The following CCSER1 variants were observed in gnomAD, a reference collection of about 807,000 sequenced individuals.
CCSER1 encodes serine-rich coiled-coil domain-containing protein 1.
In CCSER1, 41 loss-of-function variants were observed where a neutral mutation model predicts 82.0. The observed-to-expected ratio is 0.50, with a 90% CI of 0.39 to 0.65. CCSER1 has a LOEUF of 0.65. Among genes scored for constraint, CCSER1 ranks in the 30% least tolerant of loss-of-function variants. The pLI is 0.00. For missense variants in CCSER1, 1,119 were observed against 1,064.2 expected (o/e 1.05, Z -0.72); for synonymous variants, 414 against 383.9 (o/e 1.08, Z -0.92).
At chr4:90,616,703 ACACAC>A (rs1454772366) in intron 5 of CCSER1, among the ~76,000 whole-genome samples, 10 of 118,480 alleles carry the variant, frequency 8.4e-5, no homozygotes, top group African/African-American at 4.3e-4. Flanking sequence ...ACACACACAC[ACACAC>A]ACACACACAC....
chr4:90,305,200 G>A (rs921016948), intron 1 of CCSER1, among the ~76,000 whole-genome samples: 2 of 152,182 alleles, frequency 1.3e-5, no homozygotes, highest in Non-Finnish European at 2.9e-5. Flanking sequence ...ACAGGCGTGA[G>A]CCACCGCGCC....
At chr4:90,408,269 A>G (rs1418825828) in intron 4 of CCSER1, among the ~76,000 whole-genome samples, 2 of 152,246 alleles carry the variant, frequency 1.3e-5, no homozygotes, top group African/African-American at 2.4e-5. Context: ...CTTGTCTGAC[A>G]GCTTTGAAGA....
At chr4:91,110,900 T>G (rs775275900) in intron 10 of CCSER1, among the ~76,000 whole-genome samples, 24 of 151,962 alleles carry the variant, frequency 1.6e-4, no homozygotes, top group Admixed American at 2.0e-4. Flanking sequence ...TAGAAATAAA[T>G]AGAGCAGTAA....
intron 8 of CCSER1, among the ~76,000 whole-genome samples, chr4:90,902,702 A>T (rs187263968): frequency 6.6e-6 from 1 of 152,204 alleles, no homozygotes; most frequent in Admixed American, 6.6e-5. Context: ...ATGGACTAGC[A>T]GTGAGCCCTT....
chr4:90,688,728 A>G (rs1266438098), intron 6 of CCSER1, among the ~76,000 whole-genome samples: 1 of 152,174 alleles, frequency 6.6e-6, no homozygotes, highest in Non-Finnish European at 1.5e-5. Flanking sequence ...AATATAATAA[A>G]CACACTTAAC....
intron 1 of CCSER1, among the ~76,000 whole-genome samples, chr4:90,304,645 T>C (rs1733875176): frequency 6.6e-6 from 1 of 151,852 alleles, no homozygotes; most frequent in South Asian, 2.1e-4. Context: ...CTGGGGACTG[T>C]TGTGGGGTGG....
At chr4:90,206,539 T>A (rs1738868561) in intron 1 of CCSER1, among the ~76,000 whole-genome samples, 1 of 152,170 alleles carries the variant, frequency 6.6e-6, no homozygotes, top group South Asian at 2.1e-4. Context: ...GAGTTCTAAT[T>A]TGATTGCACT....
chr4:90,668,071 T>C (rs1319262337), intron 6 of CCSER1, among the ~76,000 whole-genome samples: 2 of 152,150 alleles, frequency 1.3e-5, no homozygotes, highest in Non-Finnish European at 2.9e-5. Flanking sequence ...GTGATTTTGG[T>C]AGATCTAAAG....
At chr4:90,540,068 T>G (rs78257031) in intron 5 of CCSER1, among the ~76,000 whole-genome samples, 2 of 152,146 alleles carry the variant, frequency 1.3e-5, no homozygotes, top group East Asian at 3.9e-4. Flanking sequence ...GTTTGTGCAG[T>G]TAGATTTTGA....
intron 9 of CCSER1, among the ~76,000 whole-genome samples, chr4:91,028,677 CTTG>C (rs1319409629): frequency 6.6e-6 from 1 of 151,142 alleles, no homozygotes; most frequent in South Asian, 2.1e-4. Flanking sequence ...TTCTTTAGAG[CTTG>C]TTAACAGTTC....
At chr4:90,908,529 A>G (rs1305180740) in intron 8 of CCSER1, among the ~76,000 whole-genome samples, 1 of 152,290 alleles carries the variant, frequency 6.6e-6, no homozygotes, top group East Asian at 1.9e-4. Flanking sequence ...AATGGTAGTC[A>G]TGTGTGTAAT....
At chr4:90,642,868 T>TACAC (rs1409506610) in intron 6 of CCSER1, among the ~76,000 whole-genome samples, 2 of 148,582 alleles carry the variant, frequency 1.3e-5, no homozygotes, top group Non-Finnish European at 3.0e-5. Flanking sequence ...AATAAATACA[T>TACAC]ACATACATAC....
At chr4:90,257,538 T>C (rs984014884) in intron 1 of CCSER1, among the ~76,000 whole-genome samples, 11 of 92,632 alleles carry the variant, frequency 1.2e-4, no homozygotes, top group African/African-American at 3.2e-4. Flanking sequence ...TACAGATAGA[T>C]AGATAGATAG....
chr4:90,360,916 A>G (rs1745273765), intron 3 of CCSER1, among the ~76,000 whole-genome samples: 3 of 152,354 alleles, frequency 2.0e-5, no homozygotes, highest in East Asian at 3.9e-4. Flanking sequence ...AACTTTTGTC[A>G]TAGTATTTTC....
chr4:91,082,248 G>A (rs547970602), intron 9 of CCSER1, among the ~76,000 whole-genome samples: 356 of 152,098 alleles, frequency 2.3e-3, no homozygotes, highest in South Asian at 8.1e-3. Flanking sequence ...AAGAGCCCTC[G>A]GAAATAATAC....
At chr4:90,282,779 T>A (rs865910366) in intron 1 of CCSER1, among the ~76,000 whole-genome samples, 2 of 151,948 alleles carry the variant, frequency 1.3e-5, no homozygotes, top group South Asian at 2.1e-4. Flanking sequence ...TGGTTAAGAC[T>A]CTTTAAAGGA....
chr4:91,058,057 G>T (rs1743608240), intron 9 of CCSER1, among the ~76,000 whole-genome samples: 1 of 151,988 alleles, frequency 6.6e-6, no homozygotes, highest in Non-Finnish European at 1.5e-5. Context: ...ACAAGTGCAG[G>T]CTTGTTACAT....
chr4:91,363,648 C>T (rs1488432995), intron 10 of CCSER1, among the ~76,000 whole-genome samples: 1 of 151,694 alleles, frequency 6.6e-6, no homozygotes, highest in East Asian at 1.9e-4. Context: ...AAAATATCTC[C>T]AGTTAGAGCT....
At chr4:91,173,344 C>T (rs1169750987) in intron 10 of CCSER1, among the ~76,000 whole-genome samples, 1 of 152,130 alleles carries the variant, frequency 6.6e-6, no homozygotes, top group African/African-American at 2.4e-5. Context: ...CCGGTAATCC[C>T]AGCACTTTGG....
Sources: allele counts gnomAD v4.1 joint callset (sites outside exome capture counted in the v4.1 genomes callset), GRCh38; gene constraint gnomAD v4.1.1; transcripts MANE v1.5; gene names NCBI Gene and HGNC (gene_info 2026-07-23, HGNC 2026-07-21).